The following LTBP1 variants were observed in gnomAD, a reference collection of about 807,000 sequenced individuals.
LTBP1 encodes the protein latent-transforming growth factor beta-binding protein 1.
Under a neutral mutation model 207.6 loss-of-function variants are expected in LTBP1, and 129 were observed. The observed-to-expected ratio is 0.62, with a 90% CI of 0.54 to 0.72. LTBP1 has a LOEUF of 0.72. Ranked by LOEUF, LTBP1 falls within the 30% of genes least tolerant of loss-of-function variation. The pLI is 0.00. For missense variants in LTBP1, 2,281 were observed against 2,217.2 expected (o/e 1.03, Z -0.58); for synonymous variants, 963 against 833.7 (o/e 1.16, Z -2.67).
rs1349093571 is a variant in LTBP1, at chr2:33,284,365, A to G, written c.3112+4207A>G. Among the ~76,000 whole-genome samples the G allele has an allele frequency of 1.4e-4, 22 of 152,202 alleles. 1 individual carries two copies. Among genetic ancestry groups the G allele is most frequent in the Non-Finnish European group, 2.9e-5 (2 of 68,044 alleles). ...TCATTTCAGACTGTACCTAACACACATCATCCCTAATGCTTTTTGGCAACT... is the reference window on the plus strand; with the variant it reads ...TCATTTCAGACTGTACCTAACACACGTCATCCCTAATGCTTTTTGGCAACT... On this transcript the variant is annotated intron_variant, in intron 19 of 33. Transcript: ENST00000404816.
chr2:33,383,771 A>G (rs906427031), intron 31 of LTBP1, among the ~76,000 whole-genome samples: 6 of 152,148 alleles, frequency 3.9e-5, no homozygotes, highest in Admixed American at 2.0e-4. Context: ...TCCTGGGCTC[A>G]AGTGATCTGC....
At chr2:33,262,620 A>G (rs1217983512) in intron 13 of LTBP1, 102 bp from the exon 14 acceptor site, 4 of 497,186 alleles carry the variant, frequency 8.0e-6, no homozygotes, top group Non-Finnish European at 1.1e-5. Flanking sequence ...TTCTAAGAAT[A>G]TAATTAATTA....
At chr2:33,046,798 T>C (rs973423144) in intron 3 of LTBP1, among the ~76,000 whole-genome samples, 1 of 152,198 alleles carries the variant, frequency 6.6e-6, no homozygotes, top group South Asian at 2.1e-4. Flanking sequence ...GAACTTGTTA[T>C]TGGTCTATTC....
intron 2 of LTBP1, among the ~76,000 whole-genome samples, chr2:33,015,784 A>G (rs927963390): frequency 1.3e-5 from 2 of 152,202 alleles, no homozygotes; most frequent in African/African-American, 2.4e-5. Flanking sequence ...GCCTCGGGAA[A>G]CTTCCAATCA....
chr2:33,165,925 G>A (rs1021740524), intron 5 of LTBP1, among the ~76,000 whole-genome samples: 1 of 152,100 alleles, frequency 6.6e-6, no homozygotes, highest in Non-Finnish European at 1.5e-5. Context: ...ATGGTATGGA[G>A]CCTATTAGTA....
chr2:32,986,466 T>A (rs1250867929), intron 2 of LTBP1, among the ~76,000 whole-genome samples: 1 of 152,216 alleles, frequency 6.6e-6, no homozygotes, highest in African/African-American at 2.4e-5. Flanking sequence ...ATGCTGACAT[T>A]AAGCCTGATT....
chr2:33,284,034 A>G (rs1400634043), intron 19 of LTBP1, among the ~76,000 whole-genome samples: 1 of 152,174 alleles, frequency 6.6e-6, no homozygotes, highest in Non-Finnish European at 1.5e-5. Context: ...GACTTCATTA[A>G]GCATTGCTAT....
At chr2:33,293,404 C>T (rs906075021) in intron 20 of LTBP1, 122 bp downstream of exon 20, 1 of 951,704 alleles carries the variant, frequency 1.1e-6, no homozygotes, top group African/African-American at 1.7e-5. Context: ...CGACTTAGAG[C>T]ACATATTGGT....
In LTBP1 at chr2:33,054,933, A is replaced by AC. The variant is rs2076917685; in HGVS notation, c.863+33727_863+33728insC. Among the ~76,000 whole-genome samples, 3 of 152,256 alleles carry AC rather than the reference A, an allele frequency of 2.0e-5. No individual in the cohort carries two copies. The South Asian group carries it at 6.2e-4, about 32-fold the overall frequency. ...TGCCTCGGCATAGTGGACATGGACG[A>AC]GGGGGCAGCTTTTTCTCACTGGACA... is the stretch of plus-strand genomic sequence containing the variant. On this transcript the variant is annotated intron_variant, in intron 3 of 33. Transcript: ENST00000404816.
chr2:33,212,450 G>A (rs753747251), intron 7 of LTBP1, among the ~76,000 whole-genome samples: 1 of 152,174 alleles, frequency 6.6e-6, no homozygotes, highest in East Asian at 1.9e-4. Context: ...AGAAACACTT[G>A]AGTTTTGCTG....
Position 33,376,458 on chromosome 2 carries a change from T to G in LTBP1, c.4711+10955T>G, listed in dbSNP as rs539993062. Among the ~76,000 whole-genome samples, 265 of 152,310 alleles carry G rather than the reference T, an allele frequency of 1.7e-3. 2 individuals are homozygous for G. Among genetic ancestry groups the G allele is most frequent in the African/African-American group, 6.1e-3 (252 of 41,570 alleles). On this transcript the variant is annotated intron_variant, in intron 31 of 33. Coordinates refer to ENST00000404816, the MANE Select transcript of LTBP1 (RefSeq NM_206943.4). ...AGCTGAGGTTAGTGGCTGAAAAAAT[T>G]CAGGACCCTGATTGCCAGTTGGAAA...
intron 7 of LTBP1, among the ~76,000 whole-genome samples, chr2:33,194,401 C>T (rs886343823): frequency 1.3e-5 from 2 of 152,044 alleles, no homozygotes; most frequent in Non-Finnish European, 2.9e-5. Flanking sequence ...GTTGTGAATT[C>T]GAAGGAAAAG....
chr2:33,019,994 G>A (rs2075080766), intron 2 of LTBP1, among the ~76,000 whole-genome samples: 1 of 151,884 alleles, frequency 6.6e-6, no homozygotes, highest in African/African-American at 2.4e-5. Context: ...GCTTACAGGC[G>A]TGAGCCACTG....
intron 9 of LTBP1, among the ~76,000 whole-genome samples, chr2:33,235,427 A>C (rs947559074): frequency 1.3e-5 from 2 of 152,170 alleles, no homozygotes; most frequent in South Asian, 2.1e-4. Flanking sequence ...GGATATGGAG[A>C]AATAGGAACG....
chr2:33,324,168 A>G (rs1311880633), intron 24 of LTBP1, among the ~76,000 whole-genome samples: 1 of 152,118 alleles, frequency 6.6e-6, no homozygotes, highest in Non-Finnish European at 1.5e-5. Context: ...GTTTTACTTC[A>G]TGTGGTTTTA....
chr2:33,314,138 G>C (rs2094228076), intron 23 of LTBP1, among the ~76,000 whole-genome samples: 1 of 152,178 alleles, frequency 6.6e-6, no homozygotes, highest in Admixed American at 6.5e-5. Context: ...CTGTTCATGA[G>C]TCTTCTTAAT....
At chr2:33,032,300 A>G (rs1026918006) in intron 3 of LTBP1, among the ~76,000 whole-genome samples, 6 of 152,224 alleles carry the variant, frequency 3.9e-5, no homozygotes, top group Non-Finnish European at 7.3e-5. Context: ...AAACTAACAC[A>G]TCATGCTCTG....
At chr2:33,171,167 T>C (rs1483882033) in intron 5 of LTBP1, among the ~76,000 whole-genome samples, 1 of 129,828 alleles carries the variant, frequency 7.7e-6, no homozygotes, top group Non-Finnish European at 1.7e-5. Flanking sequence ...AGAATGACTT[T>C]GACGAGTTGA....
In LTBP1 at chr2:33,247,572, A is replaced by C. The variant is rs544795771; in HGVS notation, c.1999+3788A>C. 3.3e-5 allele frequency among the ~76,000 whole-genome samples: 5 copies of C among 152,376 alleles called. No individual in the cohort carries two copies. The South Asian group carries it at 1.0e-3, about 32-fold the overall frequency. ...ACAAAGACAGAGTTGAGAAGTTACA[A>C]CAGAAATCATATGGCACACAAAGCC... On this transcript the variant is annotated intron_variant, in intron 10 of 33. Transcript: ENST00000404816.
Sources: gnomAD v4.1 joint callset for allele counts (sites outside exome capture counted in the v4.1 genomes callset) on GRCh38, gnomAD v4.1.1 for gene constraint, MANE v1.5 for transcripts, NCBI Gene and HGNC (gene_info 2026-07-23, HGNC 2026-07-21) for gene names.